Variants in RBFOX3 observed in about 807,000 individuals in gnomAD.
RBFOX3 encodes the protein RNA binding protein fox-1 homolog 3.
In RBFOX3, 17 loss-of-function variants were observed where a neutral mutation model predicts 48.7. That is an observed-to-expected ratio of 0.35 (90% CI 0.24 to 0.52). The LOEUF (loss-of-function observed/expected upper bound fraction) is 0.52, where lower values mean the gene tolerates loss of function less well. Ranked by LOEUF, RBFOX3 falls within the 20% of genes least tolerant of loss-of-function variation. The probability of loss-of-function intolerance (pLI) is 0.94; values close to 1 mark genes in which losing one functional copy is unlikely to be tolerated. For missense variants in RBFOX3, 382 were observed against 497.5 expected (o/e 0.77, Z 2.21); for synonymous variants, 212 against 209.5 (o/e 1.01, Z -0.10).
chr17:79,303,023 G>A (rs2075556577), intron 3 of RBFOX3, among the ~76,000 whole-genome samples: 1 of 152,118 alleles, frequency 6.6e-6, no homozygotes, highest in Non-Finnish European at 1.5e-5. Context: ...GGGCAACATA[G>A]TGAGACCTCA....
intron 1 of RBFOX3, among the ~76,000 whole-genome samples, chr17:79,511,464 A>G (rs1310870178): frequency 6.6e-6 from 1 of 152,168 alleles, no homozygotes; most frequent in African/African-American, 2.4e-5. Flanking sequence ...TAATTGCTGG[A>G]GGGCTCTGTG....
At chr17:79,379,053 G>A (rs1179694637) in intron 2 of RBFOX3, among the ~76,000 whole-genome samples, 1 of 152,144 alleles carries the variant, frequency 6.6e-6, no homozygotes, top group African/African-American at 2.4e-5. Flanking sequence ...TTCTCAACTG[G>A]GGAAGCTGTC....
At chr17:79,324,605 C>T (rs1453829797) in intron 2 of RBFOX3, among the ~76,000 whole-genome samples, 2 of 152,156 alleles carry the variant, frequency 1.3e-5, no homozygotes, top group Non-Finnish European at 1.5e-5. Context: ...CTGCAGGTGG[C>T]CCCCAGCTCT....
intron 1 of RBFOX3, among the ~76,000 whole-genome samples, chr17:79,504,918 G>A (rs909317566): frequency 2.0e-5 from 3 of 152,152 alleles, no homozygotes; most frequent in South Asian, 2.1e-4. Flanking sequence ...AGATGAGATC[G>A]GTTCACTCCC....
At chr17:79,398,251 C>T (rs1030949373) in intron 2 of RBFOX3, among the ~76,000 whole-genome samples, 2 of 152,128 alleles carry the variant, frequency 1.3e-5, no homozygotes, top group Non-Finnish European at 2.9e-5. Flanking sequence ...CCCAGAACTG[C>T]CCCCCAAGTA....
At chr17:79,341,301 T>G (rs1172329299) in intron 2 of RBFOX3, among the ~76,000 whole-genome samples, 2 of 152,246 alleles carry the variant, frequency 1.3e-5, no homozygotes, top group Non-Finnish European at 2.9e-5. Flanking sequence ...TGTTCATGTC[T>G]CATGTGTGTA....
intron 2 of RBFOX3, among the ~76,000 whole-genome samples, chr17:79,370,102 T>C (rs2058315345): frequency 6.6e-6 from 1 of 152,208 alleles, no homozygotes; most frequent in Admixed American, 6.5e-5. Context: ...TGCTCTGTGG[T>C]GACCAGGTCT....
intron 4 of RBFOX3, among the ~76,000 whole-genome samples, chr17:79,141,109 C>T (rs1338312373): frequency 2.6e-5 from 4 of 152,210 alleles, no homozygotes; most frequent in Non-Finnish European, 4.4e-5. Flanking sequence ...AACGGGGATG[C>T]ACCGTGGCTC....
chr17:79,541,176 A>G lies in RBFOX3; in HGVS notation c.-319-58578T>C, dbSNP rs564290761. On this transcript the variant is annotated intron_variant, in intron 1 of 14. Coordinates refer to ENST00000693108, the MANE Select transcript of RBFOX3 (RefSeq NM_001350451.2). ...CACAGCCTTTCAATTCCAGCACTGG[A>G]AAAAAAAAAAGCTATACATTTCATA... Among the ~76,000 whole-genome samples the G allele has an allele frequency of 4.7e-5, 7 of 147,760 alleles. No individual in the cohort carries two copies. The South Asian group carries it at 1.5e-3, about 32-fold the overall frequency.
intron 3 of RBFOX3, among the ~76,000 whole-genome samples, chr17:79,277,086 C>A (rs2069025636): frequency 1.3e-5 from 2 of 152,218 alleles, no homozygotes; most frequent in Non-Finnish European, 2.9e-5. Flanking sequence ...CGGTGGGTGA[C>A]ACTGGGCACA....
chr17:79,405,011 G>A (rs897235034), intron 2 of RBFOX3, among the ~76,000 whole-genome samples: 1 of 152,150 alleles, frequency 6.6e-6, no homozygotes, highest in African/African-American at 2.4e-5. Flanking sequence ...CCCACGGCAG[G>A]ATGCTGGGAC....
intron 1 of RBFOX3, among the ~76,000 whole-genome samples, chr17:79,537,458 G>A (rs562772532): frequency 6.6e-6 from 1 of 152,268 alleles, no homozygotes; most frequent in East Asian, 1.9e-4. Flanking sequence ...TGTTTGGGAG[G>A]TTAGGATTTG....
At chr17:79,500,448 G>C (rs890178733) in intron 1 of RBFOX3, among the ~76,000 whole-genome samples, 9 of 152,018 alleles carry the variant, frequency 5.9e-5, no homozygotes, top group Middle Eastern at 3.4e-3. Context: ...GTAGAGACAG[G>C]GTTTCTCCAT....
Position 79,243,695 on chromosome 17 carries a change from C to T in RBFOX3, c.-73-7890G>A, listed in dbSNP as rs901397804. 2.6e-5 allele frequency among the ~76,000 whole-genome samples: 4 copies of T among 152,142 alleles called. No individual in the cohort carries two copies. The highest frequency in any genetic ancestry group is 4.8e-5 in the African/African-American group (2 of 41,426). On this transcript the variant is annotated intron_variant, in intron 3 of 14. Transcript: ENST00000693108. The surrounding 1 kb of genome is among the most constrained non-coding windows in gnomAD (Gnocchi z 7.9). ...GCCCACCCCTGAGCACCCTTGACAACACCCAAGCTGTGCCACAGACACCAT... is the reference window on the plus strand; with the variant it reads ...GCCCACCCCTGAGCACCCTTGACAATACCCAAGCTGTGCCACAGACACCAT...
chr17:79,282,928 C>G (rs567434101), intron 3 of RBFOX3, among the ~76,000 whole-genome samples: 1 of 152,242 alleles, frequency 6.6e-6, no homozygotes, highest in Non-Finnish European at 1.5e-5. Flanking sequence ...TGAAGTGGTT[C>G]AGGTTTGAGC....
intron 1 of RBFOX3, among the ~76,000 whole-genome samples, chr17:79,560,107 C>G (rs1167838917): frequency 1.3e-5 from 2 of 151,826 alleles, no homozygotes; most frequent in African/African-American, 2.4e-5. Flanking sequence ...CCCGTTGCAT[C>G]TTCAGCAACT....
At chr17:79,469,595 T>A (rs1462784903) in intron 2 of RBFOX3, among the ~76,000 whole-genome samples, 1 of 152,018 alleles carries the variant, frequency 6.6e-6, no homozygotes, top group African/African-American at 2.4e-5. Context: ...CACCACCCTT[T>A]AGGTGCCACA....
chr17:79,373,334 A>G (rs1021015067), intron 2 of RBFOX3, among the ~76,000 whole-genome samples: 1 of 152,130 alleles, frequency 6.6e-6, no homozygotes, highest in African/African-American at 2.4e-5. Context: ...AATGAAGCTC[A>G]GAGAGGGAAG....
chr17:79,630,418 A>C, the RBFOX3 span, among the ~76,000 whole-genome samples: 1 of 152,174 alleles, frequency 6.6e-6, no homozygotes, highest in Non-Finnish European at 1.5e-5. Flanking sequence ...AACGTGTTGC[A>C]TAAGAGCCAC....
Sources: allele counts gnomAD v4.1 joint callset (sites outside exome capture counted in the v4.1 genomes callset), GRCh38; gene constraint gnomAD v4.1.1; non-coding constraint Gnocchi (gnomAD v3.1); transcripts MANE v1.5; gene names NCBI Gene and HGNC (gene_info 2026-07-23, HGNC 2026-07-21).